Variants in KCNH1 observed in about 807,000 individuals in gnomAD.
KCNH1 encodes the protein potassium voltage-gated channel subfamily H member 1.
KCNH1 carries 27 observed loss-of-function variants against 69.2 expected under a neutral mutation model. That is an observed-to-expected ratio of 0.39 (90% CI 0.29 to 0.54). The LOEUF is 0.54. Among genes scored for constraint, KCNH1 ranks in the 20% least tolerant of loss-of-function variants. The pLI is 0.68. For synonymous variants in KCNH1, 456 were observed against 487.7 expected, an observed-to-expected ratio of 0.93 and a Z score of 0.86; for missense variants, 798 against 1,261.6, an observed-to-expected ratio of 0.63 and a Z score of 5.57.
chr1:211,116,570 C>A (rs975054520), intron 1 of KCNH1, among the ~76,000 whole-genome samples: 1 of 152,150 alleles, frequency 6.6e-6, no homozygotes, highest in African/African-American at 2.4e-5. Context: ...ATTCTTTTGT[C>A]CCCCTTTTCA....
At chr1:210,981,939 C>T (rs1266309803) in intron 6 of KCNH1, among the ~76,000 whole-genome samples, 1 of 152,030 alleles carries the variant, frequency 6.6e-6, no homozygotes, top group Non-Finnish European at 1.5e-5. Context: ...AAGTTTGATG[C>T]ATAGGTTGGG....
intron 7 of KCNH1, among the ~76,000 whole-genome samples, chr1:210,839,723 T>C (rs1026906557): frequency 2.6e-5 from 4 of 152,210 alleles, no homozygotes; most frequent in Non-Finnish European, 5.9e-5. Flanking sequence ...TTATATCAAA[T>C]GTGACTCTAG....
chr1:210,903,571 G>A (rs892517036), intron 7 of KCNH1, among the ~76,000 whole-genome samples: 4 of 152,076 alleles, frequency 2.6e-5, no homozygotes, highest in Non-Finnish European at 5.9e-5. Context: ...TCTATTTGCT[G>A]CCAAGAAATA....
intron 7 of KCNH1, among the ~76,000 whole-genome samples, chr1:210,841,706 A>T (rs1277560497): frequency 6.6e-6 from 1 of 152,124 alleles, no homozygotes; most frequent in Non-Finnish European, 1.5e-5. Context: ...CTCTTATTTT[A>T]ACATGGGGAA....
intron 10 of KCNH1, among the ~76,000 whole-genome samples, chr1:210,686,886 T>C (rs2149002808): frequency 6.6e-6 from 1 of 152,328 alleles, no homozygotes; most frequent in East Asian, 1.9e-4. Context: ...AAAAGAGCAA[T>C]GATTTTCCAT....
At chr1:211,000,734 G>A (rs1689160221) in intron 6 of KCNH1, among the ~76,000 whole-genome samples, 1 of 152,120 alleles carries the variant, frequency 6.6e-6, no homozygotes, top group African/African-American at 2.4e-5. Flanking sequence ...AACAAAGCTG[G>A]AGGCATCACG....
intron 10 of KCNH1, among the ~76,000 whole-genome samples, chr1:210,708,995 C>T (rs1452888695): frequency 2.6e-5 from 4 of 152,040 alleles, no homozygotes; most frequent in African/African-American, 4.8e-5. Context: ...TGTGGTGGCT[C>T]ATCCCAGCAC....
Position 210,683,672 on chromosome 1 carries a change from T to C in KCNH1, c.2579A>G (p.Glu860Gly). Residue 860 changes from glutamate (E) to glycine (G), a missense_variant, in exon 11 of 11, where the codon GAG becomes GGG. Transcript: ENST00000271751. This position sits in a 1 kb window ranked among gnomAD's most constrained non-coding sequence, Gnocchi z 5.7. ...CGCTTTTGTCCTCTCGGGAAGTGTCTCCATCGACTCAGCCTTGGACACCTT... is the reference window on the plus strand; with the variant it reads ...CGCTTTTGTCCTCTCGGGAAGTGTCCCCATCGACTCAGCCTTGGACACCTT... ...WNKVSKAESM[E>G]TLPERTKASG... is the part of the protein sequence containing the mutation. 1 of 1,614,208 alleles carries C rather than the reference T, an allele frequency of 6.2e-7. No individual in the cohort carries two copies. The highest frequency in any genetic ancestry group is 8.5e-7 in the Non-Finnish European group (1 of 1,180,034).
intron 1 of KCNH1, among the ~76,000 whole-genome samples, chr1:211,123,448 A>T (rs1452357301): frequency 6.6e-6 from 1 of 152,162 alleles, no homozygotes; most frequent in African/African-American, 2.4e-5. Flanking sequence ...TTGAAGGGAG[A>T]ACTGGACAGA....
At chr1:211,000,027 C>A in intron 6 of KCNH1, among the ~76,000 whole-genome samples, 1 of 152,118 alleles carries the variant, frequency 6.6e-6, no homozygotes, top group Non-Finnish European at 1.5e-5. Flanking sequence ...ATAATAAGAG[C>A]TATCTATGAC....
At chr1:210,849,602 G>A (rs1685639623) in intron 7 of KCNH1, among the ~76,000 whole-genome samples, 1 of 151,960 alleles carries the variant, frequency 6.6e-6, no homozygotes, top group Non-Finnish European at 1.5e-5. Context: ...CCGACCTCAG[G>A]TGATCCGCCC....
chr1:210,996,631 C>G (rs6687069), intron 6 of KCNH1, among the ~76,000 whole-genome samples: 36,159 of 152,172 alleles, frequency 0.24, 5,889 homozygotes, highest in African/African-American at 0.45. Context: ...GCTTTGAAGA[C>G]AGTAGTGGTT....
chr1:211,058,905 T>C (rs747285382), intron 5 of KCNH1, among the ~76,000 whole-genome samples: 4 of 152,134 alleles, frequency 2.6e-5, no homozygotes, highest in Admixed American at 6.5e-5. Flanking sequence ...AGATATTCCA[T>C]GCAAATGGAA....
At chr1:210,801,680 T>C (rs892772996) in intron 8 of KCNH1, among the ~76,000 whole-genome samples, 1 of 152,198 alleles carries the variant, frequency 6.6e-6, no homozygotes, top group Non-Finnish European at 1.5e-5. Flanking sequence ...GGCATCCTGG[T>C]GCCTGGGAAA....
chr1:211,012,834 G>A (rs559524836), intron 6 of KCNH1, among the ~76,000 whole-genome samples: 1 of 152,134 alleles, frequency 6.6e-6, no homozygotes, highest in African/African-American at 2.4e-5. Flanking sequence ...ATGATGACAA[G>A]TATACCACAG....
rs568507616 is a variant in KCNH1, at chr1:210,998,036, C to T, written c.1032+20747G>A. Among the ~76,000 whole-genome samples the T allele has an allele frequency of 1.4e-4, 22 of 152,210 alleles. No homozygotes were observed. The East Asian group carries it at 3.1e-3, about 21-fold the overall frequency. On this transcript the variant is annotated intron_variant, in intron 6 of 10. Transcript: ENST00000271751. Reference sequence around the variant, plus strand: ...AGCACTAAACATGGAAAGGAACAACCGGTACCAGCCACTGCAAAAACATGC... The same window carrying T: ...AGCACTAAACATGGAAAGGAACAACTGGTACCAGCCACTGCAAAAACATGC...
intron 7 of KCNH1, among the ~76,000 whole-genome samples, chr1:210,900,098 G>A (rs569179444): frequency 6.6e-6 from 1 of 152,332 alleles, no homozygotes; most frequent in Non-Finnish European, 1.5e-5. Flanking sequence ...GGTAAACAAG[G>A]TAAACTCAAT....
intron 1 of KCNH1, among the ~76,000 whole-genome samples, chr1:211,122,316 T>C (rs968591677): frequency 1.3e-5 from 2 of 152,010 alleles, no homozygotes; most frequent in Non-Finnish European, 2.9e-5. Flanking sequence ...TACTAAATAG[T>C]CAAGAAAAAA....
At chr1:210,788,685 C>CTTTCTTTTTT (rs1684152196) in intron 9 of KCNH1, among the ~76,000 whole-genome samples, 1 of 80,712 alleles carries the variant, frequency 1.2e-5, no homozygotes, top group African/African-American at 5.0e-5. Flanking sequence ...TAGCTTCTTT[C>CTTTCTTTTTT]TTTTTTTTTT....
Sources: allele counts gnomAD v4.1 joint callset (sites outside exome capture counted in the v4.1 genomes callset), GRCh38; gene constraint gnomAD v4.1.1; non-coding constraint Gnocchi (gnomAD v3.1); transcripts MANE v1.5; gene names NCBI Gene and HGNC (gene_info 2026-07-23, HGNC 2026-07-21).